The following PCDHGA2 variants were observed in gnomAD, a reference collection of about 807,000 sequenced individuals.
The protein encoded by PCDHGA2 is protocadherin gamma subfamily A, 2, also known as protocadherin gamma-A2.
A neutral mutation model predicts 59.2 loss-of-function variants in PCDHGA2; 40 were observed. That is an observed-to-expected ratio of 0.68 (90% CI 0.52 to 0.88). The LOEUF (loss-of-function observed/expected upper bound fraction) is 0.88. Ranked by LOEUF, PCDHGA2 falls within the 40% of genes least tolerant of loss-of-function variation. PCDHGA2 has a pLI of 0.00. For synonymous variants in PCDHGA2, 560 were observed against 526.0 expected (o/e 1.06, Z -0.89); for missense variants, 1,226 against 1,204.0 (o/e 1.02, Z -0.27).
In PCDHGA2 at chr5:141,511,269, C is replaced by A; in HGVS notation, c.*96C>A. The A allele has an allele frequency of 1.3e-6, 2 of 1,546,672 alleles. No homozygotes were observed. Among genetic ancestry groups the A allele is most frequent in the Non-Finnish European group, 1.7e-6 (2 of 1,145,264 alleles). The stretch of plus-strand genomic sequence containing the variant: ...AGGCCTCAGAGTTTCAGGGCTAACC[C>A]CCAGAATACTGGTAGGGGCCAAGGC... On this transcript the variant is annotated 3_prime_UTR_variant, in exon 4 of 4. Transcript: ENST00000394576.
At chr5:141,451,198 C>T (rs1415589731) in intron 1 of PCDHGA2, among the ~76,000 whole-genome samples, 1 of 152,114 alleles carries the variant, frequency 6.6e-6, no homozygotes, top group Non-Finnish European at 1.5e-5. Context: ...AACAAATTAT[C>T]CCAAAACTTA....
intron 1 of PCDHGA2, chr5:141,424,481 G>A (rs1397559058): frequency 6.6e-6 from 1 of 152,056 alleles, no homozygotes; most frequent in Non-Finnish European, 1.5e-5. Flanking sequence ...TTACTTTGGT[G>A]TCTGTGTTTG....
intron 1 of PCDHGA2, chr5:141,357,299 T>C (rs776226877): frequency 1.1e-5 from 18 of 1,613,846 alleles, no homozygotes; most frequent in Non-Finnish European, 1.1e-5. Flanking sequence ...GTGGCCGCTG[T>C]CTCCTGCGTC....
At chr5:141,389,525 CGT>C in intron 1 of PCDHGA2, 1 of 1,613,170 alleles carries the variant, frequency 6.2e-7, no homozygotes, top group Non-Finnish European at 8.5e-7. Context: ...TGAGCCTGCG[CGT>C]GTTAGTGGAC....
At chr5:141,361,313 T>G in intron 1 of PCDHGA2, 1 of 1,613,982 alleles carries the variant, frequency 6.2e-7, no homozygotes, top group Non-Finnish European at 8.5e-7. Context: ...GCCAAGTTTA[T>G]TTTGAAATCT....
chr5:141,422,800 C>T, intron 1 of PCDHGA2: 1 of 1,614,214 alleles, frequency 6.2e-7, no homozygotes, highest in Non-Finnish European at 8.5e-7. Context: ...CGACTATGAG[C>T]AGTTTCGAGA....
chr5:141,431,658 C>T lies in PCDHGA2; in HGVS notation c.2425-63149C>T, dbSNP rs1283381348. 6.2e-7 allele frequency: 1 copy of T among 1,614,088 alleles called. No individual in the cohort carries two copies. ...TTCAAACTAGATTGTAATTCAGGGA[C>T]AATATCAACAATAGGGGAGTTGGAC... On this transcript the variant is annotated intron_variant, in intron 1 of 3. Transcript: ENST00000394576. The surrounding 1 kb of genome is among the most constrained non-coding windows in gnomAD (Gnocchi z 4.8).
intron 2 of PCDHGA2, among the ~76,000 whole-genome samples, chr5:141,500,184 T>TTTTTTTTATTTATTTA (rs1554186429): frequency 7.4e-6 from 1 of 135,886 alleles, no homozygotes; most frequent in African/African-American, 2.7e-5. Flanking sequence ...TCATTTTTAT[T>TTTTTTTTATTTATTTA]TTTATTTATT....
intron 1 of PCDHGA2, among the ~76,000 whole-genome samples, chr5:141,483,709 G>A (rs1486825412): frequency 1.3e-5 from 2 of 152,036 alleles, no homozygotes; most frequent in Non-Finnish European, 2.9e-5. Flanking sequence ...TTTGACACCA[G>A]AATATTGGTT....
At chr5:141,375,640 C>G (rs1375647493) in intron 1 of PCDHGA2, 1 of 1,614,226 alleles carries the variant, frequency 6.2e-7, no homozygotes, top group Non-Finnish European at 8.5e-7. Context: ...CCCTGCGCTC[C>G]TTCGACTATG....
At chr5:141,457,230 A>G (rs1248092452) in intron 1 of PCDHGA2, among the ~76,000 whole-genome samples, 2 of 152,174 alleles carry the variant, frequency 1.3e-5, no homozygotes, top group African/African-American at 4.8e-5. Flanking sequence ...GGTAATTTCC[A>G]TCTAAAATTT....
At chr5:141,444,434 G>A (rs761353277) in intron 1 of PCDHGA2, among the ~76,000 whole-genome samples, 16 of 152,196 alleles carry the variant, frequency 1.1e-4, no homozygotes, top group Admixed American at 7.2e-4. Flanking sequence ...GCCTCCCAAA[G>A]TGCTGGGATT....
At chr5:141,440,501 A>G (rs2098183001) in intron 1 of PCDHGA2, 1 of 152,174 alleles carries the variant, frequency 6.6e-6, no homozygotes, top group African/African-American at 2.4e-5. Context: ...TCACATTAAT[A>G]TGGAGATTCA....
intron 1 of PCDHGA2, among the ~76,000 whole-genome samples, chr5:141,396,932 T>C (rs2093455423): frequency 6.6e-6 from 1 of 152,230 alleles, no homozygotes; most frequent in Non-Finnish European, 1.5e-5. Flanking sequence ...CGGATGAAAG[T>C]TGCCCTGGTA....
At position 141,404,735 on chromosome 5, in the gene PCDHGA2, G is replaced by A. The variant is rs2094561317; in HGVS notation, c.2424+63340G>A. The stretch of plus-strand genomic sequence containing the variant: ...CCTGGTGACCAAGGTGGTGGCAGTG[G>A]ACAGAGACTCAGGCCAGAATGCTTG... On this transcript the variant is annotated intron_variant, in intron 1 of 3. Transcript: ENST00000394576. 6.2e-7 allele frequency: 1 copy of A among 1,614,014 alleles called. No homozygotes were observed. The highest frequency in any genetic ancestry group is 8.5e-7 in the Non-Finnish European group (1 of 1,180,032).
Position 141,344,686 on chromosome 5 carries a change from G to C in PCDHGA2, c.2424+3291G>C, listed in dbSNP as rs759748727. 3.6e-5 allele frequency: 58 copies of C among 1,613,848 alleles called. No homozygotes were observed. Among genetic ancestry groups the C allele is most frequent in the Non-Finnish European group, 4.6e-5 (54 of 1,179,902 alleles). On this transcript the variant is annotated intron_variant, in intron 1 of 3. Transcript: ENST00000394576. ...CTTGTCCTGGTTGCCTCTGATGGTG[G>C]CGACCCTGTCCACTCTGGCAACTTG...
chr5:141,511,823 GC>G lies in PCDHGA2; in HGVS notation c.*653del, dbSNP rs2099883963. On this transcript the variant is annotated 3_prime_UTR_variant, in exon 4 of 4. Coordinates refer to ENST00000394576, the MANE Select transcript of PCDHGA2 (RefSeq NM_018915.4). The stretch of plus-strand genomic sequence containing the variant: ...TTTTGCTACCAAGCCTCTTCCCAAC[GC>G]CCTGGGGACCAGTCTTCTGTTTTGT... The G allele has an allele frequency of 6.4e-6, 1 of 156,728 alleles. No individual in the cohort carries two copies. The highest frequency in any genetic ancestry group is 1.9e-4 in the South Asian group (1 of 5,164). 9.7% of individuals were successfully genotyped at this position (156,728 alleles called of 1,614,324 possible).
Position 141,432,846 on chromosome 5 carries a change from C to T in PCDHGA2, c.2425-61961C>T, listed in dbSNP as rs1312403897. ...GACCTCACTCTGTACCTGGTGGTAGCGGTGGCCGCGGTCTCCTGCGTCTTC... is the reference window on the plus strand; with the variant it reads ...GACCTCACTCTGTACCTGGTGGTAGTGGTGGCCGCGGTCTCCTGCGTCTTC... On this transcript the variant is annotated intron_variant, in intron 1 of 3. Transcript: ENST00000394576. The surrounding 1 kb of genome is among the most constrained non-coding windows in gnomAD (Gnocchi z 6.0). 2.5e-6 allele frequency: 4 copies of T among 1,614,192 alleles called. No homozygotes were observed. The African/African-American group carries it at 5.3e-5, about 22-fold the overall frequency.
chr5:141,499,677 T>C (rs2099793326), intron 2 of PCDHGA2, among the ~76,000 whole-genome samples: 1 of 151,690 alleles, frequency 6.6e-6, no homozygotes, highest in African/African-American at 2.4e-5. Flanking sequence ...CTCCACCATC[T>C]TTAACAGATG....
Sources: gnomAD v4.1 joint callset for allele counts (sites outside exome capture counted in the v4.1 genomes callset) on GRCh38, gnomAD v4.1.1 for gene constraint, Gnocchi (gnomAD v3.1) non-coding constraint, MANE v1.5 for transcripts, NCBI Gene and HGNC (gene_info 2026-07-23, HGNC 2026-07-21) for gene names.